ADAMTS18: variants seen among roughly 807,000 people sequenced by gnomAD.
The protein encoded by ADAMTS18 is ADAM metallopeptidase with thrombospondin type 1 motif 18.
A neutral mutation model predicts 165.9 loss-of-function variants in ADAMTS18; 157 were observed. That is an observed-to-expected ratio of 0.95 (90% CI 0.83 to 1.08). The LOEUF is 1.08. Ranked by LOEUF, ADAMTS18 falls within the 50% of genes least tolerant of loss-of-function variation. ADAMTS18 has a pLI of 0.00. For missense variants in ADAMTS18, 2,040 were observed against 1,534.0 expected, an observed-to-expected ratio of 1.33 and a Z score of -5.51; for synonymous variants, 782 against 578.2, an observed-to-expected ratio of 1.35 and a Z score of -5.06.
At chr16:77,334,721 A>ATAGTATAT (rs373254383) in intron 12 of ADAMTS18, among the ~76,000 whole-genome samples, 8,474 of 45,680 alleles carry the variant, frequency 0.19, 604 homozygotes, top group East Asian at 0.27. Context: ...ACTATAGTAT[A>ATAGTATAT]CTACTATATA....
intron 16 of ADAMTS18, among the ~76,000 whole-genome samples, chr16:77,316,995 C>T (rs2055898608): frequency 6.6e-6 from 1 of 152,098 alleles, no homozygotes; most frequent in South Asian, 2.1e-4. Context: ...GTTGCTTCCT[C>T]CGCGTGAATT....
intron 3 of ADAMTS18, among the ~76,000 whole-genome samples, chr16:77,403,776 C>T (rs2057360238): frequency 6.6e-6 from 1 of 152,156 alleles, no homozygotes; most frequent in East Asian, 1.9e-4. Context: ...CTCCTCACAG[C>T]ACTTACAGTC....
chr16:77,424,954 C>G (rs1016368071), intron 3 of ADAMTS18, among the ~76,000 whole-genome samples: 1 of 152,218 alleles, frequency 6.6e-6, no homozygotes, highest in Non-Finnish European at 1.5e-5. Context: ...GGTCATTCAA[C>G]TTCAGCCCTT....
chr16:77,339,653 TCAAAAGTAAAAAGGA>T (rs2056369088), intron 11 of ADAMTS18, among the ~76,000 whole-genome samples: 1 of 151,764 alleles, frequency 6.6e-6, no homozygotes, highest in African/African-American at 2.4e-5. Context: ...TTGTGATGCC[TCAAAAGTAAAAAGGA>T]CTTGAGCACT....
chr16:77,423,199 G>T (rs572402581), intron 3 of ADAMTS18, among the ~76,000 whole-genome samples: 20 of 152,234 alleles, frequency 1.3e-4, no homozygotes, highest in African/African-American at 4.1e-4. Context: ...TGTTCTAAAG[G>T]CCTCCCTGTG....
chr16:77,378,059 A>G (rs2056977335), intron 3 of ADAMTS18, among the ~76,000 whole-genome samples: 1 of 152,134 alleles, frequency 6.6e-6, no homozygotes, highest in Admixed American at 6.6e-5. Flanking sequence ...CAGGTGTTAT[A>G]GCACATGCCT....
chr16:77,375,091 G>C (rs974749049), intron 3 of ADAMTS18, among the ~76,000 whole-genome samples: 2 of 152,098 alleles, frequency 1.3e-5, no homozygotes, highest in Admixed American at 1.3e-4. Flanking sequence ...AACAGTGAAT[G>C]AGACAGATCT....
At chr16:77,288,560 C>T (rs887934257) in intron 22 of ADAMTS18, among the ~76,000 whole-genome samples, 2 of 152,078 alleles carry the variant, frequency 1.3e-5, no homozygotes, top group African/African-American at 2.4e-5. Context: ...TTCCCTTGAA[C>T]TAACTTTAAG....
chr16:77,370,648 G>A (rs969429674), intron 3 of ADAMTS18, among the ~76,000 whole-genome samples: 1 of 152,240 alleles, frequency 6.6e-6, no homozygotes, highest in Non-Finnish European at 1.5e-5. Flanking sequence ...TACTCAGGAG[G>A]CTGAGACAGG....
chr16:77,395,580 TC>T (rs1017036857), intron 3 of ADAMTS18, among the ~76,000 whole-genome samples: 199 of 152,318 alleles, frequency 1.3e-3, no homozygotes, highest in African/African-American at 4.5e-3. Context: ...TATGCTCCTT[TC>T]TTTTGAAGCA....
At chr16:77,367,902 G>A (rs1471291387) in intron 3 of ADAMTS18, among the ~76,000 whole-genome samples, 179 bp from the exon 4 acceptor site, 3 of 152,116 alleles carry the variant, frequency 2.0e-5, no homozygotes, top group African/African-American at 7.2e-5. Context: ...TATTGAGACA[G>A]GTCTCACTTT....
chr16:77,393,184 A>C (rs2144793727), intron 3 of ADAMTS18, among the ~76,000 whole-genome samples: 1 of 152,296 alleles, frequency 6.6e-6, no homozygotes, highest in African/African-American at 2.4e-5. Flanking sequence ...TGACTTGTTC[A>C]ATGTCATGGA....
intron 3 of ADAMTS18, among the ~76,000 whole-genome samples, chr16:77,391,692 A>C (rs11149982): frequency 0.12 from 18,491 of 152,050 alleles, 1,403 homozygotes; most frequent in East Asian, 0.23. Context: ...TGGGGTTAGA[A>C]ACAGAATGAC....
At chr16:77,293,343 T>A in intron 19 of ADAMTS18, 85 bp from the exon 20 acceptor site, 1 of 1,196,866 alleles carries the variant, frequency 8.4e-7, no homozygotes, top group Middle Eastern at 1.9e-4. Context: ...CTAAATATAT[T>A]CCTGTGAAAG....
chr16:77,284,759 C>G (rs1422503055), intron 22 of ADAMTS18, among the ~76,000 whole-genome samples: 1 of 152,140 alleles, frequency 6.6e-6, no homozygotes, highest in Non-Finnish European at 1.5e-5. Context: ...TAGGGATCCC[C>G]TAAGGATATT....
chr16:77,334,006 A>G (rs1287426894), intron 12 of ADAMTS18, among the ~76,000 whole-genome samples: 1 of 141,784 alleles, frequency 7.1e-6, no homozygotes, highest in Non-Finnish European at 1.5e-5. Flanking sequence ...ACAGTGCAAT[A>G]TATGCTATAT....
At chr16:77,366,680 G>T (rs2056799696) in intron 4 of ADAMTS18, among the ~76,000 whole-genome samples, 1 of 152,302 alleles carries the variant, frequency 6.6e-6, no homozygotes, top group African/African-American at 2.4e-5. Flanking sequence ...TTTTATACAA[G>T]TTAAATGCAG....
chr16:77,356,015 G>C lies in ADAMTS18; in HGVS notation c.1385C>G (p.Ser462Cys). Residue 462 changes from serine (S) to cysteine (C), a missense_variant, in exon 9 of 23, where the codon TCT (serine) becomes TGT (cysteine). Ser to Cys is a moderately radical substitution (Grantham distance 112, BLOSUM62 -1). Coordinates refer to ENST00000282849, the MANE Select transcript of ADAMTS18 (RefSeq NM_199355.4). ...TCCATTGTTTCCGGTCAGTGTGGGA[G>C]ACATGATATTGCCTTCAGCCTTTCT... is the stretch of plus-strand genomic sequence containing the variant. Reference protein sequence around the residue: ...PCRKAEGNIMSPTLTGNNGVF... With the variant: ...PCRKAEGNIMCPTLTGNNGVF... The C allele has an allele frequency of 1.9e-6, 3 of 1,614,102 alleles. No individual in the cohort carries two copies. Among genetic ancestry groups the C allele is most frequent in the East Asian group, 2.2e-5 (1 of 44,860 alleles).
At chr16:77,423,217 G>A (rs1020968084) in intron 3 of ADAMTS18, among the ~76,000 whole-genome samples, 1 of 152,168 alleles carries the variant, frequency 6.6e-6, no homozygotes, top group Non-Finnish European at 1.5e-5. Flanking sequence ...GTGTGTTTTA[G>A]CTGAATCTCT....
Sources: allele counts gnomAD v4.1 joint callset (sites outside exome capture counted in the v4.1 genomes callset), GRCh38; gene constraint gnomAD v4.1.1; transcripts MANE v1.5; gene names NCBI Gene and HGNC (gene_info 2026-07-23, HGNC 2026-07-21).